Variants in CADPS observed in about 807,000 individuals in gnomAD.
CADPS encodes the protein calcium dependent secretion activator.
Under a neutral mutation model 167.3 loss-of-function variants are expected in CADPS, and 57 were observed. The observed-to-expected ratio is 0.34, with a 90% CI of 0.28 to 0.42. The LOEUF is 0.42. Among genes scored for constraint, CADPS ranks in the 20% least tolerant of loss-of-function variants. The probability of loss-of-function intolerance (pLI) is 1.00; values close to 1 mark genes in which losing one functional copy is unlikely to be tolerated. For synonymous variants in CADPS, 676 were observed against 635.3 expected (o/e 1.06, Z -0.96); for missense variants, 1,414 against 1,738.1 (o/e 0.81, Z 3.32).
intron 1 of CADPS, among the ~76,000 whole-genome samples, chr3:62,863,335 T>C (rs2081145956): frequency 6.6e-6 from 1 of 152,162 alleles, no homozygotes; most frequent in African/African-American, 2.4e-5. Context: ...TTCTGTAGGA[T>C]TGGGATGATT....
At chr3:62,596,122 CACACACACACACACACACACAT>C (rs2058891856) in intron 6 of CADPS, among the ~76,000 whole-genome samples, 1 of 149,308 alleles carries the variant, frequency 6.7e-6, no homozygotes, top group African/African-American at 2.5e-5. Flanking sequence ...CACACACACA[CACACACACACACACACACACAT>C]ATCCTATTAG....
At chr3:62,549,875 A>G (rs377614979) in intron 11 of CADPS, 28 bp downstream of exon 11, 21 of 1,572,298 alleles carry the variant, frequency 1.3e-5, no homozygotes, top group Non-Finnish European at 1.8e-5. Flanking sequence ...CTACAGAGCT[A>G]TTTTTGTAAA....
chr3:62,810,391 T>C (rs1259185189), intron 1 of CADPS, among the ~76,000 whole-genome samples: 1 of 152,124 alleles, frequency 6.6e-6, no homozygotes, highest in Non-Finnish European at 1.5e-5. Context: ...AGTGGTCATA[T>C]ATTATTATTA....
Position 62,465,325 on chromosome 3 carries a change from A to G in CADPS, c.3636+42T>C. On this transcript the variant is annotated intron_variant, in intron 26 of 29. Transcript: ENST00000383710. The surrounding 1 kb of genome is among the most constrained non-coding windows in gnomAD (Gnocchi z 4.1). ...ACTCCTCTCCCAAGCCGAAACCAAA[A>G]ATTAAAACAAAAGCCAGGAAATAAA... 1 of 1,505,682 alleles carries G rather than the reference A, an allele frequency of 6.6e-7. No homozygotes were observed. The highest frequency in any genetic ancestry group is 9.0e-7 in the Non-Finnish European group (1 of 1,105,172). 93.3% of individuals were successfully genotyped at this position (1,505,682 alleles called of 1,614,324 possible).
intron 1 of CADPS, among the ~76,000 whole-genome samples, chr3:62,800,508 A>G (rs1166986767): frequency 6.6e-6 from 1 of 152,142 alleles, no homozygotes; most frequent in Non-Finnish European, 1.5e-5. Flanking sequence ...ATTTACTGGG[A>G]AGATATTTTA....
At chr3:62,782,428 T>G (rs2091808758) in intron 1 of CADPS, among the ~76,000 whole-genome samples, 1 of 152,208 alleles carries the variant, frequency 6.6e-6, no homozygotes, top group African/African-American at 2.4e-5. Flanking sequence ...GATCTTGCCC[T>G]TTTGGAGCTA....
At position 62,465,643 on chromosome 3, in the gene CADPS, C is replaced by G. The variant is rs2059862392; in HGVS notation, c.3553-193G>C. Among the ~76,000 whole-genome samples the G allele has an allele frequency of 1.3e-5, 2 of 152,146 alleles. No homozygotes were observed. The highest frequency in any genetic ancestry group is 2.9e-5 in the Non-Finnish European group (2 of 68,030). On this transcript the variant is annotated intron_variant, in intron 25 of 29. Transcript: ENST00000383710. The surrounding 1 kb of genome is among the most constrained non-coding windows in gnomAD (Gnocchi z 4.1). ...AGAAATATTTGACTTATCCGGCTTTCTCTTCATTATTATGTGATTGCAAAT... is the reference window on the plus strand; with the variant it reads ...AGAAATATTTGACTTATCCGGCTTTGTCTTCATTATTATGTGATTGCAAAT...
intron 6 of CADPS, among the ~76,000 whole-genome samples, chr3:62,627,626 T>C (rs958482126): frequency 1.4e-4 from 16 of 117,426 alleles, no homozygotes; most frequent in African/African-American, 4.2e-4. Flanking sequence ...TTTTAAATTA[T>C]ATGGTAATAC....
intron 3 of CADPS, among the ~76,000 whole-genome samples, chr3:62,688,824 C>G (rs562544689): frequency 2.0e-5 from 3 of 152,082 alleles, no homozygotes; most frequent in Non-Finnish European, 2.9e-5. Flanking sequence ...GATCATAAAG[C>G]CCTCAGAGTG....
chr3:62,819,186 T>C (rs189014705), intron 1 of CADPS, among the ~76,000 whole-genome samples: 9 of 152,240 alleles, frequency 5.9e-5, no homozygotes, highest in Admixed American at 2.0e-4. Flanking sequence ...TGTAAATTAT[T>C]CTTCAATAAA....
At chr3:62,670,066 G>A (rs1277602979) in intron 3 of CADPS, among the ~76,000 whole-genome samples, 1 of 152,176 alleles carries the variant, frequency 6.6e-6, no homozygotes, top group Non-Finnish European at 1.5e-5. Flanking sequence ...GAGATCTAAT[G>A]CTGCCTGTGA....
At chr3:62,779,644 G>A in intron 1 of CADPS, 1 of 530,384 alleles carries the variant, frequency 1.9e-6, no homozygotes, top group Non-Finnish European at 3.9e-6. Context: ...AAAGGCATAG[G>A]CTGTCTCCTT....
intron 28 of CADPS, chr3:62,404,474 A>T (rs1707643435): frequency 6.6e-6 from 1 of 152,546 alleles, no homozygotes; most frequent in African/African-American, 2.4e-5. Flanking sequence ...TTTTAAAAAA[A>T]TTAATTTAGG....
At chr3:62,497,306 A>T (rs1299783685) in intron 18 of CADPS, among the ~76,000 whole-genome samples, 2 of 152,206 alleles carry the variant, frequency 1.3e-5, no homozygotes, top group Admixed American at 6.5e-5. Flanking sequence ...TTAAAAGCAC[A>T]ATTGTGACTG....
At chr3:62,779,197 G>A (rs12639117) in intron 1 of CADPS, 119,935 of 252,896 alleles carry the variant, frequency 0.47, 31,671 homozygotes, top group East Asian at 0.82. Context: ...AGATGCCTTT[G>A]GAGCTGGTGC....
chr3:62,474,093 T>C (rs2060949553), intron 24 of CADPS, 80 bp downstream of exon 24: 1 of 995,642 alleles, frequency 1.0e-6, no homozygotes, highest in Non-Finnish European at 1.4e-6. Context: ...CTAGGGTAGA[T>C]GGAAGGAATT....
At chr3:62,432,046 C>T (rs967708882) in intron 28 of CADPS, among the ~76,000 whole-genome samples, 5 of 151,900 alleles carry the variant, frequency 3.3e-5, no homozygotes, top group African/African-American at 1.2e-4. Context: ...CCTCTCTCTG[C>T]CCCCACCCCC....
chr3:62,471,851 G>T (rs1258484711), intron 24 of CADPS, among the ~76,000 whole-genome samples: 1 of 152,132 alleles, frequency 6.6e-6, no homozygotes, highest in Non-Finnish European at 1.5e-5. Flanking sequence ...AAAACCCACA[G>T]AATGGGAGAA....
intron 6 of CADPS, among the ~76,000 whole-genome samples, chr3:62,616,169 C>G (rs554676682): frequency 1.5e-4 from 23 of 152,306 alleles, no homozygotes; most frequent in African/African-American, 4.6e-4. Context: ...TTAATTTCAT[C>G]ACTTTAAGCA....
Sources: allele counts gnomAD v4.1 joint callset (sites outside exome capture counted in the v4.1 genomes callset), GRCh38; gene constraint gnomAD v4.1.1; non-coding constraint Gnocchi (gnomAD v3.1); transcripts MANE v1.5; gene names NCBI Gene and HGNC (gene_info 2026-07-23, HGNC 2026-07-21).